NLGN3: variants seen among roughly 807,000 people sequenced by gnomAD.
The protein encoded by NLGN3 is neuroligin-3.
NLGN3 carries 11 observed loss-of-function variants against 42.9 expected under a neutral mutation model. The observed-to-expected ratio is 0.26, with a 90% CI of 0.16 to 0.42. NLGN3 has a LOEUF of 0.42. Ranked by LOEUF, NLGN3 falls within the 10% of genes least tolerant of loss-of-function variation. The probability of loss-of-function intolerance (pLI) is 1.00; values close to 1 mark genes in which losing one functional copy is unlikely to be tolerated. For synonymous variants in NLGN3, 279 were observed against 312.7 expected (o/e 0.89, Z 1.14); for missense variants, 374 against 733.8 (o/e 0.51, Z 5.67).
Position 71,152,955 on chromosome X carries a change from G to A in NLGN3, c.518-522G>A, listed in dbSNP as rs541905104. 5.0e-4 allele frequency among the ~76,000 whole-genome samples: 56 copies of A among 111,921 alleles called. No individual in the cohort carries two copies. In the South Asian group the frequency reaches 0.021, roughly 41 times the overall value. On this transcript the variant is annotated intron_variant, in intron 3 of 7. Transcript: ENST00000358741. The stretch of plus-strand genomic sequence containing the variant: ...GTCAGCTGAGGCCCAGCTTGAGCCT[G>A]CCCACTGGGCCCCAGGAGCTCAGGC...
rs2092450127 is a variant in NLGN3, at chrX:71,167,240, T to C, written c.1143T>C (p.Asp381=). Residue 381 remains aspartate, a synonymous_variant, in exon 7 of 8, where the codon GAT becomes GAC. Transcript: ENST00000358741. ...HVAFGPVIDG[D]VIPDDPEILM... is the part of the protein sequence containing the mutation. ...CCTTTGGCCCTGTGATTGATGGTGA[T>C]GTCATTCCTGATGACCCTGAGATCC... is the stretch of plus-strand genomic sequence containing the variant. The C allele has an allele frequency of 8.3e-7, 1 of 1,210,057 alleles. No homozygotes were observed. Among genetic ancestry groups the C allele is most frequent in the African/African-American group, 1.7e-5 (1 of 57,199 alleles).
At chrX:71,166,655 C>T (rs1183446729) in intron 6 of NLGN3, among the ~76,000 whole-genome samples, 1 of 111,425 alleles carries the variant, frequency 9.0e-6, no homozygotes, top group African/African-American at 3.3e-5. Context: ...CCTGGTGGTG[C>T]GCTGGCACGG....
At chrX:71,175,190 C>T (rs2092475974), downstream of NLGN3, among the ~76,000 whole-genome samples, 1 of 111,508 alleles carries the variant, frequency 9.0e-6, no homozygotes, top group African/African-American at 3.3e-5. Context: ...GACTTCAGGG[C>T]TCCAAGATCT....
At position 71,147,628 on chromosome X, in the gene NLGN3, G is replaced by A. The variant is rs1349971699; in HGVS notation, c.-122G>A. 1 of 589,850 alleles carries A rather than the reference G, an allele frequency of 1.7e-6. No homozygotes were observed. Among genetic ancestry groups the A allele is most frequent in the East Asian group, 3.6e-5 (1 of 28,036 alleles). The allele number at this position is 589,850 out of a possible 1,213,427, so 48.6% of individuals were successfully genotyped here. On this transcript the variant is annotated 5_prime_UTR_variant, in exon 2 of 8. Coordinates refer to ENST00000358741, the MANE Select transcript of NLGN3 (RefSeq NM_181303.2). ...CTGCTCTCTACATTGCTGGGCACCTGTAGGTGTCCCTCGAGAGCTCAGTTT... is the reference window on the plus strand; with the variant it reads ...CTGCTCTCTACATTGCTGGGCACCTATAGGTGTCCCTCGAGAGCTCAGTTT...
chrX:71,156,606 A>G (rs184966140), intron 5 of NLGN3, among the ~76,000 whole-genome samples: 1 of 109,999 alleles, frequency 9.1e-6, no homozygotes, highest in East Asian at 2.9e-4. Flanking sequence ...CACCCCACAA[A>G]TATATACACA....
intron 3 of NLGN3, among the ~76,000 whole-genome samples, chrX:71,149,272 T>G (rs908086934): frequency 9.1e-6 from 1 of 110,394 alleles, no homozygotes; most frequent in Admixed American, 9.5e-5. Context: ...CAGAAGACCA[T>G]CCCTTCTGTG....
At position 71,170,044 on chromosome X, in the gene NLGN3, G is replaced by A. The variant is rs1248105789; in HGVS notation, c.2494G>A (p.Ala832Thr). ...ATTGCACCCCTATAACACCTTTGCC[G>A]CAGGGTTCAACAGTACCGGGCTGCC... is the stretch of plus-strand genomic sequence containing the variant. ...QTLHPYNTFAAGFNSTGLPHS... is the reference protein window; with the variant it reads ...QTLHPYNTFATGFNSTGLPHS... Residue 832 changes from alanine (A) to threonine (T), a missense_variant, in exon 8 of 8, where the codon GCA becomes ACA. By Grantham distance (58) the Ala-to-Thr change is moderately conservative. Transcript: ENST00000358741. 50 of 1,206,590 alleles carry A rather than the reference G, an allele frequency of 4.1e-5. No individual in the cohort carries two copies. The highest frequency in any genetic ancestry group is 5.9e-5 in the East Asian group (2 of 33,661).
downstream of NLGN3, chrX:71,171,526 G>A (rs773872809): frequency 6.9e-5 from 11 of 160,292 alleles, no homozygotes; most frequent in South Asian, 3.2e-3. Flanking sequence ...GCACCGCTGC[G>A]GCCTCCTCCT....
chrX:71,169,684 A>G lies in NLGN3; in HGVS notation c.2134A>G (p.Ile712Val). 8.3e-7 allele frequency: 1 copy of G among 1,211,897 alleles called. No homozygotes were observed. Among genetic ancestry groups the G allele is most frequent in the Non-Finnish European group, 1.1e-6 (1 of 895,397 alleles). The change falls in exon 8 of 8, where the codon ATC becomes GTC. Residue 712 changes from isoleucine (I) to valine (V), a missense_variant. Ile to Val is a conservative substitution (Grantham distance 29). This residue lies in a region of NLGN3 where 142 missense variants were observed against 359.1 expected (regional missense o/e 0.40). Coordinates refer to ENST00000358741, the MANE Select transcript of NLGN3 (RefSeq NM_181303.2). ...CTACTCCACTGAATTAAGTGTCACC[A>G]TCGCCGTGGGGGCCTCCCTCCTGTT... is the stretch of plus-strand genomic sequence containing the variant. ...RDYSTELSVT[I>V]AVGASLLFLN... is the part of the protein sequence containing the mutation.
intron 6 of NLGN3, among the ~76,000 whole-genome samples, chrX:71,164,605 C>A (rs982490947): frequency 8.9e-6 from 1 of 112,039 alleles, no homozygotes; most frequent in African/African-American, 3.2e-5. Flanking sequence ...AACAATTGTC[C>A]CCTCAGAGGA....
chrX:71,160,635 C>A (rs1319569108), intron 5 of NLGN3, among the ~76,000 whole-genome samples: 1 of 112,296 alleles, frequency 8.9e-6, no homozygotes, highest in Non-Finnish European at 1.9e-5. Flanking sequence ...CCCCACTGGG[C>A]TTGAAGCCAA....
Position 71,155,248 on chromosome X carries a change from C to A in NLGN3, c.612C>A (p.Val204=). 8.3e-7 allele frequency: 1 copy of A among 1,211,853 alleles called. No homozygotes were observed. Among genetic ancestry groups the A allele is most frequent in the Non-Finnish European group, 1.1e-6 (1 of 895,402 alleles). The change falls in exon 5 of 8, where the codon GTC becomes GTA. Residue 204 remains valine, a synonymous_variant. Coordinates refer to ENST00000358741, the MANE Select transcript of NLGN3 (RefSeq NM_181303.2). The part of the protein sequence containing the change: ...IRDSGAKPVM[V]YIHGGSYMEG... ...ACAGTGGTGCTAAACCCGTCATGGT[C>A]TACATCCACGGAGGCTCTTACATGG...
chrX:71,166,313 G>A (rs1207856347), intron 6 of NLGN3, among the ~76,000 whole-genome samples: 10 of 110,477 alleles, frequency 9.1e-5, no homozygotes, highest in South Asian at 3.9e-4. Context: ...AAAATTAGCC[G>A]GGCGTGGTGG....
intron 5 of NLGN3, among the ~76,000 whole-genome samples, chrX:71,156,330 C>T (rs2092408816): frequency 9.2e-6 from 1 of 108,299 alleles, no homozygotes; most frequent in Non-Finnish European, 1.9e-5. Context: ...TCCTCAGAAA[C>T]ACAAACAAAT....
chrX:71,167,048 T>C lies in NLGN3; in HGVS notation c.951T>C (p.Ala317=). Residue 317 remains alanine, a synonymous_variant, in exon 7 of 8, where the codon GCT becomes GCC. Transcript: ENST00000358741. ...GAGCCATCATCCAAAGTGGCTCTGC[T>C]CTGTCCAGCTGGGCTGTGAACTACC... ...FQRAIIQSGS[A]LSSWAVNYQP... is the part of the protein sequence containing the mutation. The C allele has an allele frequency of 2.5e-6, 3 of 1,207,341 alleles. No individual in the cohort carries two copies. The highest frequency in any genetic ancestry group is 3.4e-6 in the Non-Finnish European group (3 of 893,128).
rs767474744 is a variant in NLGN3 at position 71,148,218 on chromosome X, G to A, written c.457+12G>A. Reference sequence around the variant, plus strand: ...GCCGACGGAGGATGGTGAGTGCTGCGGCCAGGCACTGTGCCCTCCCTGCCT... The same window carrying A: ...GCCGACGGAGGATGGTGAGTGCTGCAGCCAGGCACTGTGCCCTCCCTGCCT... On this transcript the variant is annotated intron_variant, in intron 2 of 7. Coordinates refer to ENST00000358741, the MANE Select transcript of NLGN3 (RefSeq NM_181303.2). 1.0e-4 allele frequency: 119 copies of A among 1,186,554 alleles called. No individual in the cohort carries two copies. The highest frequency in any genetic ancestry group is 1.3e-4 in the Non-Finnish European group (114 of 873,994).
In NLGN3 at chrX:71,147,745, G is replaced by A. The variant is rs752272796; in HGVS notation, c.-5G>A. ...GCCTCTCCTGCCAGTCCCCCTGCCC[G>A]GAACATGTGGCTGCGGCTTGGCCCG... On this transcript the variant is annotated 5_prime_UTR_variant, in exon 2 of 8. Transcript: ENST00000358741. 1.1e-5 allele frequency: 13 copies of A among 1,203,276 alleles called. No homozygotes were observed. In the South Asian group the frequency reaches 1.3e-4, roughly 12 times the overall value.
intron 5 of NLGN3, among the ~76,000 whole-genome samples, chrX:71,155,710 T>C (rs1173071647): frequency 2.7e-5 from 3 of 110,435 alleles, no homozygotes. Context: ...GCCCCACATC[T>C]CTAAACACCC....
At chrX:71,156,876 TGTCA>T (rs754102635) in intron 5 of NLGN3, among the ~76,000 whole-genome samples, 1 of 111,825 alleles carries the variant, frequency 8.9e-6, no homozygotes, top group Admixed American at 9.5e-5. Flanking sequence ...CACAAGCTTG[TGTCA>T]GTCATTTAGG....
Sources: allele counts gnomAD v4.1 joint callset (sites outside exome capture counted in the v4.1 genomes callset), GRCh38; gene constraint gnomAD v4.1.1; regional missense constraint gnomAD v4.1.1; transcripts MANE v1.5; gene names NCBI Gene and HGNC (gene_info 2026-07-23, HGNC 2026-07-21).